Variants in FSTL5 observed in about 807,000 individuals in gnomAD.
FSTL5 encodes the protein follistatin like 5.
FSTL5 carries 62 observed loss-of-function variants against 89.1 expected under a neutral mutation model. The ratio of observed to expected loss-of-function variants is 0.70; its 90% CI spans 0.57 to 0.86. The LOEUF (loss-of-function observed/expected upper bound fraction) is 0.86. FSTL5 is among the 40% of genes least tolerant of loss of function. The pLI is 0.00. For synonymous variants in FSTL5, 383 were observed against 346.2 expected (o/e 1.11, Z -1.18); for missense variants, 1,057 against 1,001.6 (o/e 1.06, Z -0.75).
intron 8 of FSTL5, among the ~76,000 whole-genome samples, chr4:161,565,796 T>C (rs1254750905): frequency 6.9e-6 from 1 of 144,256 alleles, no homozygotes; most frequent in Admixed American, 7.0e-5. Flanking sequence ...TATATGATAT[T>C]TTCTTTATCT....
intron 6 of FSTL5, among the ~76,000 whole-genome samples, chr4:161,735,434 T>G (rs766641084): frequency 1.3e-5 from 2 of 152,178 alleles, no homozygotes; most frequent in Non-Finnish European, 2.9e-5. Flanking sequence ...CCCCTCTTTC[T>G]CCTCCCCAGA....
chr4:161,561,237 G>T (rs1732590161), intron 8 of FSTL5, among the ~76,000 whole-genome samples: 1 of 151,948 alleles, frequency 6.6e-6, no homozygotes, highest in African/African-American at 2.4e-5. Flanking sequence ...ATAGATGATA[G>T]ACAGATAAAT....
At chr4:161,682,653 G>A (rs1410945541) in intron 6 of FSTL5, among the ~76,000 whole-genome samples, 1 of 152,050 alleles carries the variant, frequency 6.6e-6, no homozygotes, top group African/African-American at 2.4e-5. Context: ...AGGTCTTCAA[G>A]GGCAAAAACT....
chr4:161,713,243 T>G (rs982301806), intron 6 of FSTL5, among the ~76,000 whole-genome samples: 2 of 152,216 alleles, frequency 1.3e-5, no homozygotes, highest in Admixed American at 6.5e-5. Flanking sequence ...AACAAAATAC[T>G]AAAACATATT....
intron 2 of FSTL5, among the ~76,000 whole-genome samples, chr4:162,071,642 G>C (rs1729630996): frequency 1.3e-5 from 2 of 151,686 alleles, no homozygotes; most frequent in Non-Finnish European, 2.9e-5. Flanking sequence ...AGACCATACA[G>C]ACCTCACAGA....
intron 4 of FSTL5, among the ~76,000 whole-genome samples, chr4:161,819,846 T>A (rs905282887): frequency 6.6e-6 from 1 of 152,118 alleles, no homozygotes; most frequent in Non-Finnish European, 1.5e-5. Flanking sequence ...TTTGTTCACA[T>A]CTTCTGCATC....
chr4:162,038,405 A>G (rs1433808958), intron 2 of FSTL5, among the ~76,000 whole-genome samples: 1 of 151,938 alleles, frequency 6.6e-6, no homozygotes, highest in African/African-American at 2.4e-5. Flanking sequence ...CGGTTTTATA[A>G]TAAATACAAG....
At chr4:161,945,511 T>A (rs1198704110) in intron 3 of FSTL5, among the ~76,000 whole-genome samples, 1 of 152,196 alleles carries the variant, frequency 6.6e-6, no homozygotes, top group Non-Finnish European at 1.5e-5. Flanking sequence ...CCCAGCACTT[T>A]GGGAGGCTGA....
intron 2 of FSTL5, among the ~76,000 whole-genome samples, chr4:162,037,359 G>T (rs762918393): frequency 9.2e-5 from 14 of 151,884 alleles, no homozygotes; most frequent in Non-Finnish European, 1.6e-4. Context: ...AAGGAAAGGT[G>T]GTTGGCTAAT....
At chr4:161,405,507 T>C (rs1216893989) in intron 15 of FSTL5, among the ~76,000 whole-genome samples, 1 of 152,098 alleles carries the variant, frequency 6.6e-6, no homozygotes, top group Non-Finnish European at 1.5e-5. Context: ...ATGAAATTAC[T>C]CTGAAGACCA....
At chr4:162,123,215 G>T (rs113807404) in intron 1 of FSTL5, among the ~76,000 whole-genome samples, 2 of 152,130 alleles carry the variant, frequency 1.3e-5, no homozygotes, top group Admixed American at 1.3e-4. Flanking sequence ...TAACAATGAA[G>T]TGCTGCACAG....
chr4:161,454,182 G>A (rs893736298), intron 15 of FSTL5, among the ~76,000 whole-genome samples: 1 of 152,004 alleles, frequency 6.6e-6, no homozygotes, highest in African/African-American at 2.4e-5. Flanking sequence ...TCCAATAATG[G>A]CTCATATAAC....
chr4:161,948,557 C>T (rs1734803938), intron 3 of FSTL5, among the ~76,000 whole-genome samples: 1 of 137,088 alleles, frequency 7.3e-6, no homozygotes, highest in Non-Finnish European at 1.5e-5. Flanking sequence ...AAGCCGTTCT[C>T]CTGCCTCAGC....
At position 162,112,295 on chromosome 4, in the gene FSTL5, C is replaced by T. The variant is rs570686022; in HGVS notation, c.-16-883G>A. Among the ~76,000 whole-genome samples, 4 of 152,218 alleles carry T rather than the reference C, an allele frequency of 2.6e-5. No individual in the cohort carries two copies. In the South Asian group the frequency reaches 6.2e-4, roughly 24 times the overall value. On this transcript the variant is annotated intron_variant, in intron 1 of 15. Coordinates refer to ENST00000306100, the MANE Select transcript of FSTL5 (RefSeq NM_020116.5). The stretch of plus-strand genomic sequence containing the variant: ...ATGCTGTATTTTGGGTCTGTTTTAG[C>T]GACAGGGTCTCACTTTGTTATGTAG...
At chr4:161,676,374 G>A (rs1243692057) in intron 6 of FSTL5, among the ~76,000 whole-genome samples, 2 of 152,022 alleles carry the variant, frequency 1.3e-5, no homozygotes, top group African/African-American at 4.8e-5. Context: ...GAAGCCAGAA[G>A]CCATCATTCT....
chr4:161,583,964 T>A (rs1181949021), intron 8 of FSTL5, among the ~76,000 whole-genome samples: 1 of 152,106 alleles, frequency 6.6e-6, no homozygotes, highest in African/African-American at 2.4e-5. Context: ...GTAAACTTAT[T>A]TAACTTCTTC....
At chr4:161,439,613 G>C (rs188822638) in intron 15 of FSTL5, among the ~76,000 whole-genome samples, 64 of 152,258 alleles carry the variant, frequency 4.2e-4, no homozygotes, top group African/African-American at 1.5e-3. Flanking sequence ...ACTTATTTGT[G>C]AAGTGATATT....
chr4:162,062,402 A>G (rs1738750403), intron 2 of FSTL5, among the ~76,000 whole-genome samples: 1 of 151,844 alleles, frequency 6.6e-6, no homozygotes, highest in African/African-American at 2.4e-5. Context: ...TGCTTAGTCC[A>G]ATTTCTATTG....
intron 7 of FSTL5, among the ~76,000 whole-genome samples, chr4:161,632,706 T>C (rs1430138700): frequency 6.6e-6 from 1 of 152,226 alleles, no homozygotes; most frequent in Non-Finnish European, 1.5e-5. Context: ...AGAAGGTGAA[T>C]ATTACATATT....
Sources: allele counts gnomAD v4.1 joint callset (sites outside exome capture counted in the v4.1 genomes callset), GRCh38; gene constraint gnomAD v4.1.1; transcripts MANE v1.5; gene names NCBI Gene and HGNC (gene_info 2026-07-23, HGNC 2026-07-21).